ANTXR1: variants seen among roughly 807,000 people sequenced by gnomAD.
ANTXR1 encodes anthrax toxin receptor 1.
ANTXR1 carries 19 observed loss-of-function variants against 78.1 expected under a neutral mutation model. The ratio of observed to expected loss-of-function variants is 0.24; its 90% CI spans 0.17 to 0.36. ANTXR1 has a LOEUF of 0.36. Among genes scored for constraint, ANTXR1 ranks in the 10% least tolerant of loss-of-function variants. The pLI is 1.00. For synonymous variants in ANTXR1, 273 were observed against 260.5 expected, an observed-to-expected ratio of 1.05 and a Z score of -0.46; for missense variants, 518 against 718.6, an observed-to-expected ratio of 0.72 and a Z score of 3.19.
chr2:69,057,605 C>T, intron 3 of ANTXR1, among the ~76,000 whole-genome samples: 1 of 152,206 alleles, frequency 6.6e-6, no homozygotes, highest in Admixed American at 6.5e-5. Context: ...TCAACCAGCT[C>T]TTCCTCCATC....
At chr2:69,094,960 G>A (rs1671351761) in intron 9 of ANTXR1, among the ~76,000 whole-genome samples, 1 of 152,160 alleles carries the variant, frequency 6.6e-6, no homozygotes, top group Non-Finnish European at 1.5e-5. Flanking sequence ...TCCCCAACAA[G>A]AATGCCTCTG....
chr2:69,221,248 T>C (rs2104510612), intron 17 of ANTXR1, among the ~76,000 whole-genome samples: 1 of 152,328 alleles, frequency 6.6e-6, no homozygotes, highest in Admixed American at 6.5e-5. Context: ...TGAGATCTAT[T>C]TAAGAATACC....
chr2:69,115,039 C>A (rs1381302110), intron 10 of ANTXR1, among the ~76,000 whole-genome samples: 3 of 151,946 alleles, frequency 2.0e-5, no homozygotes, highest in Admixed American at 1.3e-4. Context: ...ACATTTTGGG[C>A]TGGATAATTT....
At chr2:69,197,882 A>T (rs545502519) in intron 17 of ANTXR1, among the ~76,000 whole-genome samples, 30 of 152,370 alleles carry the variant, frequency 2.0e-4, no homozygotes, top group Admixed American at 2.0e-3. Flanking sequence ...TACTTGGTCC[A>T]TGATGATATG....
rs1412536522 is a variant in ANTXR1 at position 69,165,354 on chromosome 2, C to T, written c.1048-4894C>T. Among the ~76,000 whole-genome samples the T allele has an allele frequency of 2.0e-5, 3 of 152,174 alleles. No homozygotes were observed. The East Asian group carries it at 5.8e-4, about 29-fold the overall frequency. Reference sequence around the variant, plus strand: ...TGCAGGAAGTGCCCTGCATTCAGCTCATGCAAAAAGGACACGGAGACACAA... The same window carrying T: ...TGCAGGAAGTGCCCTGCATTCAGCTTATGCAAAAAGGACACGGAGACACAA... On this transcript the variant is annotated intron_variant, in intron 13 of 17. Transcript: ENST00000303714.
chr2:69,073,833 A>G (rs1670647901), intron 6 of ANTXR1, among the ~76,000 whole-genome samples: 1 of 152,206 alleles, frequency 6.6e-6, no homozygotes, highest in Admixed American at 6.5e-5. Context: ...ATGTACTGAA[A>G]CTATAGCCTT....
chr2:69,086,080 T>G (rs2104266638), intron 8 of ANTXR1, among the ~76,000 whole-genome samples: 1 of 152,268 alleles, frequency 6.6e-6, no homozygotes, highest in East Asian at 1.9e-4. Flanking sequence ...CATCAAGGGA[T>G]AAAAGAGATT....
intron 17 of ANTXR1, among the ~76,000 whole-genome samples, 196 bp downstream of exon 17, chr2:69,193,611 T>C (rs1414151726): frequency 6.6e-6 from 1 of 152,212 alleles, no homozygotes; most frequent in Non-Finnish European, 1.5e-5. Flanking sequence ...AATCAGACAT[T>C]GATTTTCAAA....
rs985407983 is a variant in ANTXR1, at chr2:69,013,387, G to A, written c.-113G>A. The A allele has an allele frequency of 2.9e-4, 413 of 1,437,640 alleles. No homozygotes were observed. The highest frequency in any genetic ancestry group is 3.8e-4 in the Non-Finnish European group (396 of 1,049,562). The allele number at this position is 1,437,640 out of a possible 1,614,324, so 89.1% of individuals were successfully genotyped here. A position where few individuals can be genotyped will look rare whatever the true frequency, so the allele number is the denominator to read the frequency against. ...CTTCCGGGGAGTTGCGAGGGAGCGA[G>A]GGGGAATAAAGGACCCGCGAGGAAG... is the stretch of plus-strand genomic sequence containing the variant. On this transcript the variant is annotated 5_prime_UTR_variant, in exon 1 of 18. Transcript: ENST00000303714. This position sits in a 1 kb window ranked among gnomAD's most constrained non-coding sequence, Gnocchi z 5.0.
intron 12 of ANTXR1, among the ~76,000 whole-genome samples, chr2:69,125,274 G>A (rs1221938827): frequency 6.6e-6 from 1 of 152,162 alleles, no homozygotes; most frequent in Non-Finnish European, 1.5e-5. Flanking sequence ...CTTCTCTGGA[G>A]CCTTCGCATC....
At chr2:69,159,545 A>G (rs571692067) in intron 13 of ANTXR1, among the ~76,000 whole-genome samples, 2 of 152,280 alleles carry the variant, frequency 1.3e-5, no homozygotes, top group African/African-American at 4.8e-5. Flanking sequence ...AAAAGAAAAA[A>G]AAAATCCTGC....
intron 10 of ANTXR1, among the ~76,000 whole-genome samples, chr2:69,117,350 C>A (rs769816391): frequency 6.6e-6 from 1 of 152,188 alleles, no homozygotes; most frequent in Non-Finnish European, 1.5e-5. Context: ...ATTAACTAAC[C>A]CTTCTGACTC....
chr2:69,244,346 C>T (rs898804154), intron 17 of ANTXR1, among the ~76,000 whole-genome samples: 2 of 152,208 alleles, frequency 1.3e-5, no homozygotes, highest in South Asian at 4.1e-4. Context: ...GGTTGTATTT[C>T]TTAAGGTACA....
chr2:69,053,635 T>C (rs1192436686), intron 3 of ANTXR1, among the ~76,000 whole-genome samples: 1 of 152,204 alleles, frequency 6.6e-6, no homozygotes, highest in Non-Finnish European at 1.5e-5. Flanking sequence ...AGTTAAAATA[T>C]GCAGACCAAG....
chr2:69,088,005 G>C (rs780102765), intron 8 of ANTXR1, among the ~76,000 whole-genome samples: 2 of 152,176 alleles, frequency 1.3e-5, no homozygotes, highest in Non-Finnish European at 2.9e-5. Flanking sequence ...TCTATTGGCT[G>C]TATTGCATCC....
In ANTXR1 at chr2:69,123,012, T is replaced by A; in HGVS notation, c.803-5T>A. On this transcript the variant is annotated splice_polypyrimidine_tract_variant and splice_region_variant and intron_variant, in intron 10 of 17. Transcript: ENST00000303714. ...CTTCTTAATCCAGTGATTTCCTTTT[T>A]GCAGATGAGAAGCCCTTTTCTGTGG... is the stretch of plus-strand genomic sequence containing the variant. 1 of 1,614,138 alleles carries A rather than the reference T, an allele frequency of 6.2e-7. No individual in the cohort carries two copies. The highest frequency in any genetic ancestry group is 8.5e-7 in the Non-Finnish European group (1 of 1,179,950).
chr2:69,093,257 C>G (rs1671295876), intron 9 of ANTXR1, among the ~76,000 whole-genome samples: 1 of 152,178 alleles, frequency 6.6e-6, no homozygotes, highest in East Asian at 1.9e-4. Flanking sequence ...CTATTTGACC[C>G]TTATTAATTC....
chr2:69,225,519 CA>C (rs2104515253), intron 17 of ANTXR1, among the ~76,000 whole-genome samples: 1 of 152,044 alleles, frequency 6.6e-6, no homozygotes, highest in Admixed American at 6.5e-5. Context: ...ATACATATAT[CA>C]GACCAATTGG....
At chr2:69,059,274 A>C (rs970585795) in intron 3 of ANTXR1, among the ~76,000 whole-genome samples, 12 of 152,158 alleles carry the variant, frequency 7.9e-5, no homozygotes, top group African/African-American at 2.7e-4. Flanking sequence ...TGTGAAAGGA[A>C]GAGTGAATTG....
Sources: allele counts gnomAD v4.1 joint callset (sites outside exome capture counted in the v4.1 genomes callset), GRCh38; gene constraint gnomAD v4.1.1; non-coding constraint Gnocchi (gnomAD v3.1); transcripts MANE v1.5; gene names NCBI Gene and HGNC (gene_info 2026-07-23, HGNC 2026-07-21).